EIF6: variants seen among roughly 807,000 people sequenced by gnomAD.
The protein encoded by EIF6 is B4 integrin interactor.
EIF6 carries 10 observed loss-of-function variants against 25.5 expected under a neutral mutation model. The observed-to-expected ratio is 0.39, with a 90% CI of 0.24 to 0.66. The LOEUF (loss-of-function observed/expected upper bound fraction) is 0.66, where lower values mean the gene tolerates loss of function less well. Ranked by LOEUF, EIF6 falls within the 30% of genes least tolerant of loss-of-function variation. The probability of loss-of-function intolerance (pLI) is 0.45; values close to 1 mark genes in which losing one functional copy is unlikely to be tolerated. For synonymous variants in EIF6, 122 were observed against 122.6 expected (o/e 1.00, Z 0.03); for missense variants, 246 against 315.4 (o/e 0.78, Z 1.67).
Position 35,284,754 on chromosome 20 carries a change from G to A in EIF6, c.-34C>T, listed in dbSNP as rs763214820. The stretch of plus-strand genomic sequence containing the variant: ...GTAACCAGTAACAAGCTCCGCACGC[G>A]GCGACTGTACCTTGGACTCCCTAAA... On this transcript the variant is annotated 5_prime_UTR_variant, in exon 1 of 7. Coordinates refer to ENST00000374450, the MANE Select transcript of EIF6 (RefSeq NM_002212.4). 1.1e-5 allele frequency: 6 copies of A among 527,340 alleles called. No individual in the cohort carries two copies. The highest frequency in any genetic ancestry group is 3.1e-5 in the East Asian group (1 of 32,208). The allele number at this position is 527,340 out of a possible 1,614,324, so 32.7% of individuals were successfully genotyped here. A position where few individuals can be genotyped will look rare whatever the true frequency, so the allele number is the denominator to read the frequency against.
intron 3 of EIF6, among the ~76,000 whole-genome samples, chr20:35,281,201 A>G (rs890302375): frequency 5.3e-5 from 8 of 152,102 alleles, no homozygotes; most frequent in Admixed American, 5.2e-4. Context: ...CCTGGCTAAC[A>G]CGGTGAAACC....
rs2060806241 is a variant in EIF6 at position 35,284,407 on chromosome 20, C to A, written c.81G>T (p.Ala27=). ...TGTAGAAGTTCTCTGAGCCTCCGATCGCTACCAGACAGTAGGTGTTGGTGA... is the reference window on the plus strand; with the variant it reads ...TGTAGAAGTTCTCTGAGCCTCCGATAGCTACCAGACAGTAGGTGTTGGTGA... ...AKLTNTYCLV[A]IGGSENFYSV... is the part of the protein sequence containing the mutation. The change falls in exon 2 of 7, where the codon GCG becomes GCT. Residue 27 remains alanine, a synonymous_variant. Transcript: ENST00000374450. 2 of 1,613,896 alleles carry A rather than the reference C, an allele frequency of 1.2e-6. No individual in the cohort carries two copies. Among genetic ancestry groups the A allele is most frequent in the Admixed American group, 1.7e-5 (1 of 60,014 alleles).
At chr20:35,280,205 G>A in intron 4 of EIF6, 87 bp from the exon 5 acceptor site, 1 of 1,433,112 alleles carries the variant, frequency 7.0e-7, no homozygotes, top group Non-Finnish European at 9.5e-7. Context: ...CCAGGCCTTG[G>A]CTCCCTGAGC....
intron 3 of EIF6, among the ~76,000 whole-genome samples, chr20:35,282,011 C>T (rs1198943782): frequency 3.0e-5 from 4 of 134,460 alleles, no homozygotes; most frequent in African/African-American, 8.6e-5. Flanking sequence ...TTTTTTGAGA[C>T]GGAGTCTTGT....
chr20:35,279,489 TGAC>T, intron 6 of EIF6, 74 bp downstream of exon 6: 1 of 1,568,040 alleles, frequency 6.4e-7, no homozygotes, highest in Non-Finnish European at 8.7e-7. Context: ...CCATTCTAGA[TGAC>T]ATCTTTTCCC....
At chr20:35,279,383 A>C (rs2060749937) in intron 6 of EIF6, among the ~76,000 whole-genome samples, 177 bp from the exon 7 acceptor site, 1 of 152,224 alleles carries the variant, frequency 6.6e-6, no homozygotes, top group South Asian at 2.1e-4. Context: ...GCAGATGCTC[A>C]AGAAATATTT....
At chr20:35,283,800 CAAAAA>C (rs57842071) in intron 3 of EIF6, among the ~76,000 whole-genome samples, 3 of 115,090 alleles carry the variant, frequency 2.6e-5, no homozygotes, top group Non-Finnish European at 3.8e-5. Context: ...AATCTGGCCT[CAAAAA>C]AAAAAAAAAA....
intron 3 of EIF6, among the ~76,000 whole-genome samples, chr20:35,283,817 G>C (rs1449650153): frequency 6.8e-6 from 1 of 147,790 alleles, no homozygotes; most frequent in African/African-American, 2.5e-5. Flanking sequence ...AAAAAAAAAA[G>C]AGAAAAATCC....
chr20:35,282,240 C>T (rs553979221), intron 3 of EIF6, among the ~76,000 whole-genome samples: 72 of 152,340 alleles, frequency 4.7e-4, no homozygotes, highest in African/African-American at 1.4e-3. Flanking sequence ...CCGCCCGCCT[C>T]GGCCTCCCAG....
In EIF6 at chr20:35,280,120, TGTCA is replaced by T. The variant is rs2060761244; in HGVS notation, c.370-6_370-3del. ...ATCTGCCAGAATTTCTTCTGTCTCCTGTCAATCAAAGATATTGTGTTCAGGGCTC... is the reference window on the plus strand; with the variant it reads ...ATCTGCCAGAATTTCTTCTGTCTCCTATCAAAGATATTGTGTTCAGGGCTC... On this transcript the variant is annotated splice_polypyrimidine_tract_variant and splice_region_variant and intron_variant, in intron 4 of 6. Coordinates refer to ENST00000374450, the MANE Select transcript of EIF6 (RefSeq NM_002212.4). 2.5e-6 allele frequency: 4 copies of T among 1,613,924 alleles called. No individual in the cohort carries two copies. The South Asian group carries it at 4.4e-5, about 18-fold the overall frequency.
At chr20:35,281,760 T>C (rs1476070743) in intron 3 of EIF6, among the ~76,000 whole-genome samples, 1 of 151,968 alleles carries the variant, frequency 6.6e-6, no homozygotes, top group East Asian at 1.9e-4. Context: ...TGACTAAAAT[T>C]TTTACAAGTC....
chr20:35,281,373 G>A (rs548284108), intron 3 of EIF6, among the ~76,000 whole-genome samples: 2 of 145,348 alleles, frequency 1.4e-5, no homozygotes, highest in South Asian at 2.2e-4. Flanking sequence ...GTGACAGAGC[G>A]AAACTCCGTC....
At position 35,279,916 on chromosome 20, in the gene EIF6, G is replaced by A. The variant is rs370783372; in HGVS notation, c.546+26C>T. The A allele has an allele frequency of 2.9e-5, 46 of 1,607,418 alleles. 1 individual carries two copies. The African/African-American group carries it at 4.1e-4, about 14-fold the overall frequency. ...GGCAAAAGGATCTGCCTCGGGAGAC[G>A]GGGTTCAGAGGACAGGAATGCTTAC... On this transcript the variant is annotated intron_variant, in intron 5 of 6. Transcript: ENST00000374450.
intron 3 of EIF6, among the ~76,000 whole-genome samples, chr20:35,282,358 G>A (rs574143636): frequency 5.9e-5 from 9 of 152,186 alleles, no homozygotes; most frequent in Non-Finnish European, 8.8e-5. Flanking sequence ...GGATGAATAC[G>A]TTGTGATATA....
At chr20:35,283,903 T>C (rs996413027) in intron 3 of EIF6, among the ~76,000 whole-genome samples, 3 of 152,284 alleles carry the variant, frequency 2.0e-5, no homozygotes, top group Non-Finnish European at 4.4e-5. Flanking sequence ...ATCAGTCAAG[T>C]TAGGCCAGTA....
rs757969805 is a variant in EIF6, at chr20:35,284,311, C to A, written c.108-50G>T. The A allele has an allele frequency of 2.5e-6, 4 of 1,613,780 alleles. No individual in the cohort carries two copies. The African/African-American group carries it at 5.3e-5, about 22-fold the overall frequency. ...GGCGGGGCAGAGGGGCCGGCACCCT[C>A]CCACTGCCGGAGCTCTTGACTCCTG... On this transcript the variant is annotated intron_variant, in intron 2 of 6. Coordinates refer to ENST00000374450, the MANE Select transcript of EIF6 (RefSeq NM_002212.4).
intron 4 of EIF6, 97 bp downstream of exon 4, chr20:35,280,557 A>C: frequency 6.9e-7 from 1 of 1,444,276 alleles, no homozygotes; most frequent in Non-Finnish European, 9.4e-7. Flanking sequence ...GAAAAACCAC[A>C]GGAGAGACCC....
intron 4 of EIF6, 53 bp from the exon 5 acceptor site, chr20:35,280,171 A>G (rs1242335318): frequency 1.9e-6 from 3 of 1,583,044 alleles, no homozygotes; most frequent in Non-Finnish European, 2.6e-6. Context: ...CCCCAGAACC[A>G]AGGTTCTCCA....
intron 3 of EIF6, among the ~76,000 whole-genome samples, chr20:35,283,629 G>A (rs1187661430): frequency 6.6e-6 from 1 of 152,052 alleles, no homozygotes; most frequent in African/African-American, 2.4e-5. Context: ...GGGAGGCCGC[G>A]TCTCTACCAA....
Sources: allele counts gnomAD v4.1 joint callset (sites outside exome capture counted in the v4.1 genomes callset), GRCh38; gene constraint gnomAD v4.1.1; transcripts MANE v1.5; gene names NCBI Gene and HGNC (gene_info 2026-07-23, HGNC 2026-07-21).